Variants in SVIP observed in about 807,000 individuals in gnomAD.
SVIP encodes small VCP interacting protein, also known as small VCP/p97-interacting protein.
In SVIP, 14 loss-of-function variants were observed where a neutral mutation model predicts 12.9. That is an observed-to-expected ratio of 1.08 (90% CI 0.72 to 1.70). The LOEUF (loss-of-function observed/expected upper bound fraction) is 1.70, where lower values mean the gene tolerates loss of function less well. Ranked by LOEUF, SVIP falls within the 40% of genes most tolerant of loss-of-function variation. The pLI is 0.00. For missense variants in SVIP, 93 were observed against 90.8 expected, an observed-to-expected ratio of 1.02 and a Z score of -0.10; for synonymous variants, 35 against 33.3, an observed-to-expected ratio of 1.05 and a Z score of -0.17.
At chr11:22,826,853 A>G (rs1459644240) in intron 3 of SVIP, among the ~76,000 whole-genome samples, 2 of 152,206 alleles carry the variant, frequency 1.3e-5, no homozygotes, top group Non-Finnish European at 2.9e-5. Context: ...AATGAAGGTT[A>G]GAAATTATGT....
In SVIP at chr11:22,827,866, T is replaced by C. The variant is rs778464374; in HGVS notation, c.63A>G (p.Lys21=). Residue 21 remains lysine, a synonymous_variant, in exon 2 of 4, where the codon AAA becomes AAG. Coordinates refer to ENST00000354193, the MANE Select transcript of SVIP (RefSeq NM_148893.3). The part of the protein sequence containing the change: ...SAPPTPDLEE[K]RAKLAEAAER... ...CTGCAGCCTCTGCAAGCTTTGCTCT[T>C]TTCTCTTCCTAAATAAATGTGTAAA... The C allele has an allele frequency of 1.3e-6, 2 of 1,575,088 alleles. No homozygotes were observed. The highest frequency in any genetic ancestry group is 2.3e-5 in the East Asian group (1 of 43,856).
intron 2 of SVIP, among the ~76,000 whole-genome samples, chr11:22,827,604 T>C (rs1857765671): frequency 1.3e-5 from 2 of 152,096 alleles, no homozygotes; most frequent in Admixed American, 1.3e-4. Flanking sequence ...TAAAAGAGTA[T>C]CTGAATTTAG....
rs1002487010 is a variant in SVIP, at chr11:22,822,892, C to T, written c.*227G>A. The T allele has an allele frequency of 1.1e-5, 5 of 462,900 alleles. No individual in the cohort carries two copies. The highest frequency in any genetic ancestry group is 8.0e-5 in the Admixed American group (2 of 25,006). 28.7% of individuals were successfully genotyped at this position (462,900 alleles called of 1,614,324 possible). The stretch of plus-strand genomic sequence containing the variant: ...ACTACTAAGAAAAATAGCAAATCAC[C>T]CACTAACTGCAGAAGAGCAAATGTA... On this transcript the variant is annotated 3_prime_UTR_variant, in exon 4 of 4. Transcript: ENST00000354193.
intron 1 of SVIP, 133 bp downstream of exon 1, chr11:22,829,562 C>T: frequency 3.4e-6 from 3 of 893,080 alleles, no homozygotes; most frequent in Middle Eastern, 2.9e-4. Context: ...ACGCGTCCAC[C>T]CGTCCTCGCT....
Position 22,823,134 on chromosome 11 carries a change from C to G in SVIP, c.220-1G>C, listed in dbSNP as rs773574553. 8 of 1,591,060 alleles carry G rather than the reference C, an allele frequency of 5.0e-6. No homozygotes were observed. The highest frequency in any genetic ancestry group is 3.4e-4 in the Middle Eastern group (2 of 5,890). On this transcript the variant is annotated splice_acceptor_variant, in intron 3 of 3. Transcript: ENST00000354193. LOFTEE classifies it high-confidence loss of function. ...ATGTTATGCTTTATGAAACTGTCCA[C>G]TAGAAAAGATAAAAAAGAGACAGAA...
rs1162332991 is a variant in SVIP at position 22,829,780 on chromosome 11, C to A, written c.-32G>T. ...GACAGCTTGAGAACCCTGACCGGGT[C>A]CGGCCCAGGCCAGGCGGCGCTAACT... On this transcript the variant is annotated 5_prime_UTR_variant, in exon 1 of 4. Coordinates refer to ENST00000354193, the MANE Select transcript of SVIP (RefSeq NM_148893.3). 1.9e-6 allele frequency: 3 copies of A among 1,582,584 alleles called. No individual in the cohort carries two copies. The highest frequency in any genetic ancestry group is 2.6e-6 in the Non-Finnish European group (3 of 1,165,270).
rs754101706 is a variant in SVIP at position 22,821,855 on chromosome 11, A to C, written c.*1264T>G. The stretch of plus-strand genomic sequence containing the variant: ...TATTATATAATAGTTCAAACTTTTA[A>C]AAATTAACATGTACAATACACTGCA... On this transcript the variant is annotated 3_prime_UTR_variant, in exon 4 of 4. Transcript: ENST00000354193. 4 of 152,192 alleles carry C rather than the reference A, an allele frequency of 2.6e-5. No individual in the cohort carries two copies. The highest frequency in any genetic ancestry group is 4.4e-5 in the Non-Finnish European group (3 of 68,020). 9.4% of individuals were successfully genotyped at this position (152,192 alleles called of 1,614,324 possible). A position where few individuals can be genotyped will look rare whatever the true frequency, so the allele number is the denominator to read the frequency against.
chr11:22,827,213 T>C lies in SVIP; in HGVS notation c.213A>G (p.Gly71=), dbSNP rs1411414681. Residue 71 remains glycine, a synonymous_variant, in exon 3 of 4, where the codon GGA becomes GGG. Coordinates refer to ENST00000354193, the MANE Select transcript of SVIP (RefSeq NM_148893.3). ...AGAAAATTTTAATACTTACCCTAAG[T>C]CCACCTTCTGGTGGGGGCCCGGATG... The part of the protein sequence containing the change: ...IATSGPPPEG[G]LRWTVS 6.2e-7 allele frequency: 1 copy of C among 1,608,060 alleles called. No homozygotes were observed. Among genetic ancestry groups the C allele is most frequent in the African/African-American group, 1.3e-5 (1 of 74,588 alleles).
chr11:22,829,554 G>T, intron 1 of SVIP, 141 bp downstream of exon 1: 2 of 797,666 alleles, frequency 2.5e-6, no homozygotes, highest in Non-Finnish European at 4.0e-6. Context: ...CCCTCCTGAC[G>T]CGTCCACCCG....
chr11:22,824,862 C>A (rs1857635838), intron 3 of SVIP, among the ~76,000 whole-genome samples: 2 of 152,032 alleles, frequency 1.3e-5, no homozygotes, highest in Non-Finnish European at 2.9e-5. Context: ...ATGAACAATC[C>A]TTTTTGAAAG....
At chr11:22,824,446 A>G (rs545725873) in intron 3 of SVIP, among the ~76,000 whole-genome samples, 4 of 97,890 alleles carry the variant, frequency 4.1e-5, no homozygotes, top group Non-Finnish European at 9.7e-5. Flanking sequence ...ACACACACAC[A>G]TATATATATA....
At chr11:22,829,293 A>G (rs1452532703) in intron 1 of SVIP, 1 of 174,750 alleles carries the variant, frequency 5.7e-6, no homozygotes, top group Non-Finnish European at 1.2e-5. Flanking sequence ...TTGAAAACGC[A>G]CATCTCCTAG....
rs1349803729 is a variant in SVIP, at chr11:22,827,809, G to A, written c.105+15C>T. ...TCAATTATCTAAGTAGGCAAAACTT[G>A]ATCTTTAATCTTACCTCTTTTTGTC... On this transcript the variant is annotated intron_variant, in intron 2 of 3. Transcript: ENST00000354193. 5 of 1,569,280 alleles carry A rather than the reference G, an allele frequency of 3.2e-6. No individual in the cohort carries two copies. The highest frequency in any genetic ancestry group is 4.3e-6 in the Non-Finnish European group (5 of 1,159,218).
At chr11:22,825,163 G>C (rs1183413397) in intron 3 of SVIP, among the ~76,000 whole-genome samples, 5 of 151,974 alleles carry the variant, frequency 3.3e-5, no homozygotes, top group Non-Finnish European at 5.9e-5. Context: ...CTAGGGAAGA[G>C]TCTTCCTAAC....
In SVIP at chr11:22,819,817, T is replaced by C. The variant is rs1857421228; in HGVS notation, c.*3302A>G. 6.6e-6 allele frequency: 1 copy of C among 152,226 alleles called. No homozygotes were observed. The highest frequency in any genetic ancestry group is 2.4e-5 in the African/African-American group (1 of 41,424). 9.4% of individuals were successfully genotyped at this position (152,226 alleles called of 1,614,324 possible). On this transcript the variant is annotated 3_prime_UTR_variant, in exon 4 of 4. Transcript: ENST00000354193. ...AAAAAAGCCAATGCAATTCAGGATATAATAACAAAAAAGTATGATATCCAC... is the reference window on the plus strand; with the variant it reads ...AAAAAAGCCAATGCAATTCAGGATACAATAACAAAAAAGTATGATATCCAC...
At chr11:22,829,664 C>T (rs1473786187) in intron 1 of SVIP, 31 bp downstream of exon 1, 1 of 1,564,324 alleles carries the variant, frequency 6.4e-7, no homozygotes. Context: ...CAAGGCGCGG[C>T]CCGGCGGACG....
chr11:22,827,909 C>G, intron 1 of SVIP, 35 bp from the exon 2 acceptor site: 1 of 1,394,034 alleles, frequency 7.2e-7, no homozygotes, highest in Non-Finnish European at 9.7e-7. Context: ...ATTAAAATAA[C>G]AAACATTATT....
intron 3 of SVIP, among the ~76,000 whole-genome samples, chr11:22,825,351 G>A (rs909323614): frequency 2.0e-5 from 3 of 152,048 alleles, no homozygotes; most frequent in Non-Finnish European, 4.4e-5. Context: ...CTCTTGACAT[G>A]TTGTGCATGT....
In SVIP at chr11:22,829,775, CGGG is replaced by C; in HGVS notation, c.-30_-28del. ...GGGACGACAGCTTGAGAACCCTGAC[CGGG>C]TCCGGCCCAGGCCAGGCGGCGCTAA... On this transcript the variant is annotated 5_prime_UTR_variant, in exon 1 of 4. Transcript: ENST00000354193. The C allele has an allele frequency of 1.3e-6, 2 of 1,591,880 alleles. No individual in the cohort carries two copies. Among genetic ancestry groups the C allele is most frequent in the South Asian group, 2.3e-5 (2 of 87,866 alleles).
Sources: gnomAD v4.1 joint callset for allele counts (sites outside exome capture counted in the v4.1 genomes callset) on GRCh38, gnomAD v4.1.1 for gene constraint, MANE v1.5 for transcripts, NCBI Gene and HGNC (gene_info 2026-07-23, HGNC 2026-07-21) for gene names.